Variants in CD8B2 observed in about 807,000 individuals in gnomAD.
CD8B2 encodes the protein T-cell surface glycoprotein CD8 beta-2 chain.
A neutral mutation model predicts 23.7 loss-of-function variants in CD8B2; 11 were observed. The observed-to-expected ratio is 0.46, with a 90% CI of 0.29 to 0.77. CD8B2 has a LOEUF of 0.77. Among genes scored for constraint, CD8B2 ranks in the 30% least tolerant of loss-of-function variants. CD8B2 has a pLI of 0.09. For missense variants in CD8B2, 197 were observed against 270.5 expected (o/e 0.73, Z 1.91); for synonymous variants, 90 against 109.3 (o/e 0.82, Z 1.10).
intron 5 of CD8B2, among the ~76,000 whole-genome samples, chr2:106,539,802 A>G (rs1680144602): frequency 6.6e-6 from 1 of 152,218 alleles, no homozygotes. Flanking sequence ...TGACACTTAA[A>G]AAATTATTTA....
chr2:106,534,015 C>T (rs902622802), intron 5 of CD8B2, among the ~76,000 whole-genome samples: 2 of 152,166 alleles, frequency 1.3e-5, no homozygotes, highest in Admixed American at 6.5e-5. Flanking sequence ...TGCTGGGAGT[C>T]CTACATAAAT....
intron 5 of CD8B2, among the ~76,000 whole-genome samples, chr2:106,527,367 T>G (rs1383979592): frequency 6.6e-6 from 1 of 152,248 alleles, no homozygotes; most frequent in Non-Finnish European, 1.5e-5. Context: ...GGCTCAGAAC[T>G]TCTGTTCCTG....
At chr2:106,520,865 G>A (rs1679813927) in intron 5 of CD8B2, among the ~76,000 whole-genome samples, 1 of 151,876 alleles carries the variant, frequency 6.6e-6, no homozygotes, top group African/African-American at 2.4e-5. Flanking sequence ...GTGAGACTCT[G>A]TCTCAAAACA....
At chr2:106,494,125 C>T (rs534535099) in intron 2 of CD8B2, among the ~76,000 whole-genome samples, 20 of 151,880 alleles carry the variant, frequency 1.3e-4, no homozygotes, top group African/African-American at 4.6e-4. Context: ...TGGGCTTCCC[C>T]TGCCTGTTCC....
intron 5 of CD8B2, among the ~76,000 whole-genome samples, chr2:106,535,618 G>A (rs1680075282): frequency 6.6e-6 from 1 of 152,040 alleles, no homozygotes; most frequent in South Asian, 2.1e-4. Flanking sequence ...TTGTTCCCAC[G>A]CTTGGGTATA....
At position 106,506,882 on chromosome 2, in the gene CD8B2, C is replaced by A. The variant is rs1573337333; in HGVS notation, c.621-46C>A. On this transcript the variant is annotated intron_variant, in intron 5 of 5. Transcript: ENST00000643224. The stretch of plus-strand genomic sequence containing the variant: ...GTCTCTGTTACAGGAAATTCAATAT[C>A]GTTTGCCTGAAAATAAGTGGTTTCA... The A allele has an allele frequency of 3.8e-6, 6 of 1,594,452 alleles. No homozygotes were observed. The South Asian group carries it at 4.5e-5, about 12-fold the overall frequency.
chr2:106,542,083 A>C (rs1024396698), intron 5 of CD8B2, among the ~76,000 whole-genome samples: 18 of 152,248 alleles, frequency 1.2e-4, no homozygotes, highest in Admixed American at 3.9e-4. Flanking sequence ...CTGATACGCC[A>C]CTTGCCACTT....
intron 3 of CD8B2, among the ~76,000 whole-genome samples, chr2:106,501,219 A>G (rs1300427197): frequency 6.6e-6 from 1 of 152,154 alleles, no homozygotes; most frequent in Non-Finnish European, 1.5e-5. Flanking sequence ...GAAACAATCA[A>G]AAGGCCCACT....
rs149421828 is a variant in CD8B2, at chr2:106,492,761, C to A, written c.403+1528C>A. 1.4e-3 allele frequency among the ~76,000 whole-genome samples: 218 copies of A among 152,286 alleles called. 1 individual carries two copies. Among genetic ancestry groups the A allele is most frequent in the African/African-American group, 5.0e-3 (208 of 41,556 alleles). ...GCAGGGGCAGCTGGGGACAGCAGCA[C>A]GATTAGGAAGACACAAACCAAAGTG... On this transcript the variant is annotated intron_variant, in intron 2 of 5. Transcript: ENST00000643224.
intron 3 of CD8B2, among the ~76,000 whole-genome samples, chr2:106,499,531 C>CA (rs58020024): frequency 1.2e-3 from 108 of 87,042 alleles, no homozygotes; most frequent in South Asian, 2.1e-3. Flanking sequence ...GACCCTGTCT[C>CA]AAAAAAAAAA....
At chr2:106,512,879 G>T (rs182050338), downstream of CD8B2, among the ~76,000 whole-genome samples, 2,524 of 152,268 alleles carry the variant, frequency 0.017, 61 homozygotes, top group African/African-American at 0.057. Context: ...TCGCAGTCTT[G>T]CTTACAGCCT....
intron 5 of CD8B2, among the ~76,000 whole-genome samples, chr2:106,517,012 A>G (rs1041748411): frequency 2.7e-5 from 4 of 148,362 alleles, no homozygotes; most frequent in African/African-American, 9.8e-5. Flanking sequence ...TATTTTATAT[A>G]TTTCATATAT....
At chr2:106,541,564 G>A (rs1680174509) in intron 5 of CD8B2, among the ~76,000 whole-genome samples, 1 of 152,172 alleles carries the variant, frequency 6.6e-6, no homozygotes, top group Non-Finnish European at 1.5e-5. Context: ...AAGGTATGAG[G>A]TTGAGAAACC....
chr2:106,524,089 G>C (rs1679871976), intron 5 of CD8B2, among the ~76,000 whole-genome samples: 1 of 152,214 alleles, frequency 6.6e-6, no homozygotes, highest in Non-Finnish European at 1.5e-5. Context: ...TGTCGGCCAT[G>C]TGGGGCTGAT....
intron 5 of CD8B2, among the ~76,000 whole-genome samples, chr2:106,541,986 G>A (rs1250092950): frequency 1.3e-5 from 2 of 152,292 alleles, no homozygotes; most frequent in Middle Eastern, 3.4e-3. Context: ...CGGGACCACC[G>A]TTCCCCATGG....
downstream of CD8B2, among the ~76,000 whole-genome samples, chr2:106,512,363 C>G (rs1453750451): frequency 2.0e-5 from 3 of 152,126 alleles, no homozygotes; most frequent in Non-Finnish European, 4.4e-5. Flanking sequence ...AGGAATGAGC[C>G]ACAGCACATG....
At chr2:106,534,197 A>G (rs1211321885) in intron 5 of CD8B2, among the ~76,000 whole-genome samples, 1 of 152,172 alleles carries the variant, frequency 6.6e-6, no homozygotes. Context: ...CCCAGCCTTC[A>G]CTGGAGCAGA....
chr2:106,514,896 T>C (rs1329560985), downstream of CD8B2, among the ~76,000 whole-genome samples: 4 of 152,216 alleles, frequency 2.6e-5, no homozygotes, highest in African/African-American at 4.8e-5. Context: ...AAAATAATAA[T>C]CTGTCATTTG....
intron 3 of CD8B2, among the ~76,000 whole-genome samples, chr2:106,498,165 T>TG (rs1558876518): frequency 6.6e-6 from 1 of 151,642 alleles, no homozygotes; most frequent in Non-Finnish European, 1.5e-5. Context: ...TTTTTTTTTT[T>TG]GAAATGGAGT....
Sources: gnomAD v4.1 joint callset for allele counts (sites outside exome capture counted in the v4.1 genomes callset) on GRCh38, gnomAD v4.1.1 for gene constraint, MANE v1.5 for transcripts, NCBI Gene and HGNC (gene_info 2026-07-23, HGNC 2026-07-21) for gene names.